Variants in RBMS1 observed in about 807,000 individuals in gnomAD.
RBMS1 encodes the protein RNA-binding motif, single-stranded-interacting protein 1.
Under a neutral mutation model 62.3 loss-of-function variants are expected in RBMS1, and 17 were observed. The ratio of observed to expected loss-of-function variants is 0.27; its 90% CI spans 0.19 to 0.41. RBMS1 has a LOEUF of 0.41. Ranked by LOEUF, RBMS1 falls within the 10% of genes least tolerant of loss-of-function variation. RBMS1 has a pLI of 1.00. For missense variants in RBMS1, 334 were observed against 504.5 expected, an observed-to-expected ratio of 0.66 and a Z score of 3.24; for synonymous variants, 172 against 170.0, an observed-to-expected ratio of 1.01 and a Z score of -0.09.
chr2:160,325,186 C>G (rs1334117817), intron 2 of RBMS1, among the ~76,000 whole-genome samples: 1 of 152,020 alleles, frequency 6.6e-6, no homozygotes, highest in Non-Finnish European at 1.5e-5. Context: ...CCCAGTTTGA[C>G]TCTGCACACA....
At chr2:160,489,878 G>T (rs921848760) in intron 1 of RBMS1, among the ~76,000 whole-genome samples, 6 of 152,072 alleles carry the variant, frequency 3.9e-5, no homozygotes, top group Non-Finnish European at 8.8e-5. Context: ...TACAAAATAT[G>T]TAGCTAACTA....
chr2:160,369,252 A>T (rs1693593343), intron 1 of RBMS1, among the ~76,000 whole-genome samples: 1 of 152,092 alleles, frequency 6.6e-6, no homozygotes, highest in African/African-American at 2.4e-5. Flanking sequence ...CTTTCTCCAA[A>T]CCACTAGTTT....
chr2:160,387,562 A>C (rs6711540), intron 1 of RBMS1, among the ~76,000 whole-genome samples: 105,145 of 151,928 alleles, frequency 0.69, 36,938 homozygotes, highest in East Asian at 0.88. Context: ...GCCCTGGAAC[A>C]TTTTCTGTCT....
Position 160,273,190 on chromosome 2 carries a change from CAT to C in RBMS1, c.*1580_*1581del, listed in dbSNP as rs1311791783. ...CTGTGTATTTATGAATCAGGAATTT[CAT>C]AGTTTCAAAATTGGTTTTCTTTACA... is the stretch of plus-strand genomic sequence containing the variant. On this transcript the variant is annotated 3_prime_UTR_variant, in exon 14 of 14. Coordinates refer to ENST00000348849, the MANE Select transcript of RBMS1 (RefSeq NM_016836.4). 6.6e-6 allele frequency: 1 copy of C among 152,170 alleles called. No individual in the cohort carries two copies. The highest frequency in any genetic ancestry group is 2.4e-5 in the African/African-American group (1 of 41,422). 9.4% of individuals were successfully genotyped at this position (152,170 alleles called of 1,614,324 possible). A position where few individuals can be genotyped will look rare whatever the true frequency, so the allele number is the denominator to read the frequency against.
At chr2:160,460,752 T>C (rs1384646172) in intron 1 of RBMS1, among the ~76,000 whole-genome samples, 7 of 152,364 alleles carry the variant, frequency 4.6e-5, no homozygotes, top group Admixed American at 4.6e-4. Flanking sequence ...TATTCTGGTT[T>C]CACTAATATA....
chr2:160,362,082 A>T (rs1693161625), intron 2 of RBMS1, among the ~76,000 whole-genome samples: 1 of 152,244 alleles, frequency 6.6e-6, no homozygotes, highest in Non-Finnish European at 1.5e-5. Flanking sequence ...ATAGCATTGA[A>T]GAGAGAAGGC....
chr2:160,474,961 A>T (rs1685066054), intron 1 of RBMS1, among the ~76,000 whole-genome samples: 1 of 152,194 alleles, frequency 6.6e-6, no homozygotes, highest in African/African-American at 2.4e-5. Flanking sequence ...GATTCAAGTG[A>T]TTGTTTTTTT....
intron 1 of RBMS1, among the ~76,000 whole-genome samples, chr2:160,437,335 G>T (rs893865537): frequency 2.4e-4 from 37 of 152,138 alleles, no homozygotes; most frequent in Non-Finnish European, 7.4e-5. Context: ...CATTTTTCTT[G>T]AAGTCCCTCC....
At chr2:160,399,303 A>G (rs765249919) in intron 1 of RBMS1, among the ~76,000 whole-genome samples, 4 of 152,198 alleles carry the variant, frequency 2.6e-5, no homozygotes, top group Non-Finnish European at 4.4e-5. Context: ...CAGCCAATGT[A>G]TGCACATTTT....
intron 1 of RBMS1, among the ~76,000 whole-genome samples, chr2:160,448,707 G>T (rs1043635203): frequency 2.6e-5 from 4 of 152,274 alleles, no homozygotes; most frequent in African/African-American, 9.6e-5. Context: ...GCCTCTGCCC[G>T]GCCGCCAACC....
chr2:160,352,697 C>A (rs912560409), intron 2 of RBMS1, among the ~76,000 whole-genome samples: 2 of 152,068 alleles, frequency 1.3e-5, no homozygotes, highest in Admixed American at 6.6e-5. Flanking sequence ...TAAAACTGTA[C>A]AAATGACCTA....
At chr2:160,275,979 T>A (rs1687814918) in intron 12 of RBMS1, among the ~76,000 whole-genome samples, 1 of 152,158 alleles carries the variant, frequency 6.6e-6, no homozygotes, top group African/African-American at 2.4e-5. Flanking sequence ...TACCCTCTTA[T>A]CCCCTGGGGA....
intron 1 of RBMS1, among the ~76,000 whole-genome samples, chr2:160,425,892 G>T (rs1245791490): frequency 3.9e-5 from 6 of 152,004 alleles, no homozygotes; most frequent in Non-Finnish European, 7.4e-5. Context: ...AACACAAACA[G>T]TAGTGGGTCT....
At chr2:160,277,487 G>C in intron 11 of RBMS1, 104 bp from the exon 12 acceptor site, 2 of 840,100 alleles carry the variant, frequency 2.4e-6, no homozygotes, top group Non-Finnish European at 3.9e-6. Context: ...AAATCTCAAA[G>C]AAGAAATTTA....
chr2:160,436,934 A>C (rs900405398), intron 1 of RBMS1, among the ~76,000 whole-genome samples: 12 of 152,228 alleles, frequency 7.9e-5, no homozygotes, highest in Non-Finnish European at 1.6e-4. Flanking sequence ...TTAGCAAAAG[A>C]ATCTGTAGCT....
Position 160,291,880 on chromosome 2 carries a change from T to A in RBMS1, c.641-4796A>T, listed in dbSNP as rs148956232. Among the ~76,000 whole-genome samples the A allele has an allele frequency of 8.2e-4, 125 of 152,336 alleles. 1 individual carries two copies. Among genetic ancestry groups the A allele is most frequent in the African/African-American group, 3.0e-3 (123 of 41,578 alleles). ...TGTTAAATACAAAACAAAAACTCCATACCTCCCATGACTCCAACAAACATC... is the reference window on the plus strand; with the variant it reads ...TGTTAAATACAAAACAAAAACTCCAAACCTCCCATGACTCCAACAAACATC... On this transcript the variant is annotated intron_variant, in intron 6 of 13. Coordinates refer to ENST00000348849, the MANE Select transcript of RBMS1 (RefSeq NM_016836.4).
chr2:160,278,647 T>C lies in RBMS1; in HGVS notation c.963A>G (p.Leu321=), dbSNP rs200214356. 1.2e-6 allele frequency: 2 copies of C among 1,612,062 alleles called. No individual in the cohort carries two copies. The highest frequency in any genetic ancestry group is 4.5e-5 in the East Asian group (2 of 44,824). ...ACATGGTGTGCTCCATTGAGGGAGTTAACACGGCACCCTGGGGAGTTGGAG... is the reference window on the plus strand; with the variant it reads ...ACATGGTGTGCTCCATTGAGGGAGTCAACACGGCACCCTGGGGAGTTGGAG... ...PYILQHPGAV[L]TPSMEHTMSL... is the part of the protein sequence containing the mutation. Residue 321 remains leucine (L), a synonymous_variant, in exon 11 of 14, where the codon TTA becomes TTG. Coordinates refer to ENST00000348849, the MANE Select transcript of RBMS1 (RefSeq NM_016836.4).
chr2:160,378,435 A>G (rs944826677), intron 1 of RBMS1, among the ~76,000 whole-genome samples: 12 of 152,092 alleles, frequency 7.9e-5, no homozygotes, highest in African/African-American at 2.7e-4. Flanking sequence ...CAACATAGCA[A>G]AATCCCATTT....
At chr2:160,408,054 C>G (rs2105246924) in intron 1 of RBMS1, among the ~76,000 whole-genome samples, 1 of 149,142 alleles carries the variant, frequency 6.7e-6, no homozygotes, top group Admixed American at 6.7e-5. Flanking sequence ...GGGATCGGGG[C>G]CGGAGCCGGG....
Sources: allele counts gnomAD v4.1 joint callset (sites outside exome capture counted in the v4.1 genomes callset), GRCh38; gene constraint gnomAD v4.1.1; transcripts MANE v1.5; gene names NCBI Gene and HGNC (gene_info 2026-07-23, HGNC 2026-07-21).